SH3PXD2B: variants seen among roughly 807,000 people sequenced by gnomAD.
SH3PXD2B encodes SH3 and PX domain-containing protein 2B.
In SH3PXD2B, 37 loss-of-function variants were observed where a neutral mutation model predicts 73.1. The ratio of observed to expected loss-of-function variants is 0.51; its 90% confidence interval spans 0.39 to 0.67. The LOEUF (loss-of-function observed/expected upper bound fraction) is 0.67. Ranked by LOEUF, SH3PXD2B falls within the 30% of genes least tolerant of loss-of-function variation. SH3PXD2B has a pLI of 0.00. For synonymous variants in SH3PXD2B, 457 were observed against 480.5 expected (o/e 0.95, Z 0.64); for missense variants, 1,053 against 1,197.8 (o/e 0.88, Z 1.78).
Position 172,338,991 on chromosome 5 carries a change from C to A in SH3PXD2B, c.2114G>T (p.Gly705Val). The A allele has an allele frequency of 1.2e-6, 2 of 1,614,070 alleles. No homozygotes were observed. Among genetic ancestry groups the A allele is most frequent in the Non-Finnish European group, 1.7e-6 (2 of 1,179,938 alleles). Reference sequence around the variant, plus strand: ...CGTCCTGTCCTGGGCGCGGCCAGGCCCCTCTCCTGGGAGGAAGCTTCGGCT... The same window carrying A: ...CGTCCTGTCCTGGGCGCGGCCAGGCACCTCTCCTGGGAGGAAGCTTCGGCT... ...AFSRSFLPGE[G>V]PGRAQDRTGK... The change falls in exon 13 of 13, where the codon GGG (glycine) becomes GTG (valine). Residue 705 changes from glycine (G) to valine (V), a missense_variant. Physicochemically the swap from Gly to Val is moderately radical, Grantham distance 109. This residue lies in a region of SH3PXD2B where 587 missense variants were observed against 590.7 expected (regional missense o/e 0.99). Transcript: ENST00000311601. The surrounding 1 kb of genome is among the most constrained non-coding windows in gnomAD (Gnocchi z 5.1).
chr5:172,451,005 G>A (rs1759784203), intron 1 of SH3PXD2B, among the ~76,000 whole-genome samples: 1 of 152,266 alleles, frequency 6.6e-6, no homozygotes, highest in Non-Finnish European at 1.5e-5. Flanking sequence ...GGCACCTGGA[G>A]CTTCTGGCCC....
intron 1 of SH3PXD2B, among the ~76,000 whole-genome samples, chr5:172,424,902 C>T (rs967731630): frequency 1.3e-5 from 2 of 152,108 alleles, no homozygotes; most frequent in African/African-American, 4.8e-5. Flanking sequence ...GCTCTCAGAC[C>T]ACCCAATGCC....
At chr5:172,419,752 C>G (rs751262888) in intron 2 of SH3PXD2B, among the ~76,000 whole-genome samples, 1 of 152,086 alleles carries the variant, frequency 6.6e-6, no homozygotes, top group Admixed American at 6.5e-5. Flanking sequence ...GGGCTTTGCT[C>G]GGTGGATGTA....
At chr5:172,443,291 C>T (rs751968501) in intron 1 of SH3PXD2B, among the ~76,000 whole-genome samples, 6 of 152,128 alleles carry the variant, frequency 3.9e-5, no homozygotes, top group Non-Finnish European at 7.4e-5. Context: ...CTACTATCAC[C>T]GCGAGTTGCT....
At chr5:172,412,136 C>T (rs1758715872) in intron 2 of SH3PXD2B, among the ~76,000 whole-genome samples, 2 of 152,186 alleles carry the variant, frequency 1.3e-5, no homozygotes, top group South Asian at 4.1e-4. Context: ...TAGCATGTGG[C>T]AGAATTTCCT....
At chr5:172,413,454 T>C (rs1758749299) in intron 2 of SH3PXD2B, among the ~76,000 whole-genome samples, 1 of 152,240 alleles carries the variant, frequency 6.6e-6, no homozygotes, top group Admixed American at 6.5e-5. Flanking sequence ...CTTACTACTG[T>C]TGGCCCTCTC....
intron 5 of SH3PXD2B, among the ~76,000 whole-genome samples, chr5:172,378,575 T>C (rs1757870912): frequency 6.6e-6 from 1 of 152,186 alleles, no homozygotes; most frequent in Non-Finnish European, 1.5e-5. Flanking sequence ...CCAATGCCAA[T>C]ACTACCCTCG....
Position 172,358,700 on chromosome 5 carries a change from GA to G in SH3PXD2B, c.667+72del, listed in dbSNP as rs549778034. ...CAGAGGCCAAAAGAAGAGATTGGAT[GA>G]AAAGGCAACCCAGTATAGGCGATGA... On this transcript the variant is annotated intron_variant, in intron 8 of 12. Transcript: ENST00000311601. The G allele has an allele frequency of 1.9e-3, 2,720 of 1,403,352 alleles. 3 individuals are homozygous for G. The highest frequency in any genetic ancestry group is 2.3e-3 in the Non-Finnish European group (2,374 of 1,012,238). The allele number at this position is 1,403,352 out of a possible 1,614,324, so 86.9% of individuals were successfully genotyped here.
At chr5:172,435,856 T>C (rs1259682082) in intron 1 of SH3PXD2B, among the ~76,000 whole-genome samples, 3 of 152,088 alleles carry the variant, frequency 2.0e-5, no homozygotes, top group Non-Finnish European at 4.4e-5. Flanking sequence ...AAGGCACAAA[T>C]GGGGCCGGGG....
At chr5:172,368,506 A>ATATAAAATATATATTTAATATATG (rs1757591541) in intron 6 of SH3PXD2B, among the ~76,000 whole-genome samples, 1 of 33,242 alleles carries the variant, frequency 3.0e-5, no homozygotes, top group Non-Finnish European at 4.5e-5. Context: ...TTATATATAT[A>ATATAAAATATATATTTAATATATG]TATATAAAAT....
chr5:172,354,124 C>T (rs377090064), intron 8 of SH3PXD2B, 119 bp from the exon 9 acceptor site: 5 of 943,146 alleles, frequency 5.3e-6, no homozygotes, highest in South Asian at 1.4e-5. Flanking sequence ...TTCTGGGCAC[C>T]CCCCCTGGCC....
chr5:172,389,568 C>CAAAAA lies in SH3PXD2B; in HGVS notation c.309+4990_309+4994dup, dbSNP rs34351709. The stretch of plus-strand genomic sequence containing the variant: ...CAACATGGTGAAACCTCATCTCTAC[C>CAAAAA]AAAAAAAAAAAAAAAAAAAAATTGG... On this transcript the variant is annotated intron_variant, in intron 4 of 12. Transcript: ENST00000311601. 4.2e-4 allele frequency among the ~76,000 whole-genome samples: 44 copies of CAAAAA among 103,564 alleles called. 1 individual carries two copies. Among genetic ancestry groups the CAAAAA allele is most frequent in the East Asian group, 6.1e-4 (2 of 3,290 alleles). The allele number at this position is 103,564 out of a possible 152,430, so 67.9% of individuals were successfully genotyped here.
intron 4 of SH3PXD2B, among the ~76,000 whole-genome samples, chr5:172,385,659 C>T (rs75758150): frequency 0.04 from 6,020 of 152,286 alleles, 207 homozygotes; most frequent in South Asian, 0.2. Context: ...TGGAGGGGGC[C>T]TCCCAGGATG....
intron 6 of SH3PXD2B, 78 bp from the exon 7 acceptor site, chr5:172,362,947 C>T: frequency 6.3e-7 from 1 of 1,583,142 alleles, no homozygotes; most frequent in South Asian, 1.1e-5. Flanking sequence ...TAGGGCGGGT[C>T]AAGAGGACGT....
chr5:172,384,459 C>T (rs774191732), intron 4 of SH3PXD2B, among the ~76,000 whole-genome samples: 12 of 152,168 alleles, frequency 7.9e-5, no homozygotes, highest in Non-Finnish European at 1.5e-4. Context: ...CGCCATCCAT[C>T]CACAGAACTC....
In SH3PXD2B at chr5:172,422,523, G is replaced by A. The variant is rs371536240; in HGVS notation, c.76-27C>T. ...TGCGGGAGCAACAGAGGAGATGGGT[G>A]TTAACACCAGAAGGTGGTCTCCCAA... On this transcript the variant is annotated intron_variant, in intron 1 of 12. Coordinates refer to ENST00000311601, the MANE Select transcript of SH3PXD2B (RefSeq NM_001017995.3). 2.5e-5 allele frequency: 40 copies of A among 1,596,718 alleles called. No individual in the cohort carries two copies. The African/African-American group carries it at 5.1e-4, about 20-fold the overall frequency.
chr5:172,397,121 A>G (rs1758319281), intron 3 of SH3PXD2B, among the ~76,000 whole-genome samples: 1 of 152,166 alleles, frequency 6.6e-6, no homozygotes, highest in African/African-American at 2.4e-5. Context: ...CCTGAGAAAG[A>G]GAATGCATTC....
chr5:172,440,065 G>C (rs554846497), intron 1 of SH3PXD2B, among the ~76,000 whole-genome samples: 1 of 152,296 alleles, frequency 6.6e-6, no homozygotes, highest in Non-Finnish European at 1.5e-5. Flanking sequence ...AAGCACTTAG[G>C]GCTTGTTGAG....
intron 12 of SH3PXD2B, among the ~76,000 whole-genome samples, chr5:172,327,353 C>A (rs1284625689): frequency 6.6e-6 from 1 of 152,106 alleles, no homozygotes; most frequent in Non-Finnish European, 1.5e-5. Context: ...CATGTCAGAG[C>A]CAGAACTCAA....
Sources: allele counts gnomAD v4.1 joint callset (sites outside exome capture counted in the v4.1 genomes callset), GRCh38; gene constraint gnomAD v4.1.1; regional missense constraint gnomAD v4.1.1; non-coding constraint Gnocchi (gnomAD v3.1); transcripts MANE v1.5; gene names NCBI Gene and HGNC (gene_info 2026-07-23, HGNC 2026-07-21).